UGT2B7: variants seen among roughly 807,000 people sequenced by gnomAD.
The protein encoded by UGT2B7 is UDP glucuronosyltransferase family 2 member B7, also known as UDP-glucuronosyltransferase 2B7.
In UGT2B7, 51 loss-of-function variants were observed where a neutral mutation model predicts 51.9. That is an observed-to-expected ratio of 0.98 (90% CI 0.78 to 1.24). The LOEUF (loss-of-function observed/expected upper bound fraction) is 1.24, where lower values mean the gene tolerates loss of function less well. Among genes scored for constraint, UGT2B7 ranks in the 50% most tolerant of loss-of-function variants. UGT2B7 has a pLI of 0.00. For synonymous variants in UGT2B7, 225 were observed against 211.6 expected, an observed-to-expected ratio of 1.06 and a Z score of -0.55; for missense variants, 727 against 628.4, an observed-to-expected ratio of 1.16 and a Z score of -1.68.
intron 3 of UGT2B7, among the ~76,000 whole-genome samples, chr4:69,104,573 C>T (rs2109890544): frequency 6.6e-6 from 1 of 152,096 alleles, no homozygotes; most frequent in Non-Finnish European, 1.5e-5. Flanking sequence ...ATTAACGATG[C>T]TAAAATAATA....
At chr4:69,104,063 C>A (rs1470033918) in intron 3 of UGT2B7, among the ~76,000 whole-genome samples, 3 of 151,974 alleles carry the variant, frequency 2.0e-5, no homozygotes, top group African/African-American at 7.3e-5. Flanking sequence ...CCGAGGCAGG[C>A]GAATCACGAG....
At chr4:69,106,554 A>G (rs4541594) in intron 3 of UGT2B7, among the ~76,000 whole-genome samples, 89,820 of 152,014 alleles carry the variant, frequency 0.59, 27,902 homozygotes, top group African/African-American at 0.77. Flanking sequence ...AAGTACTGCA[A>G]TTAATACACC....
chr4:69,060,656 T>A (rs180777225), intron 1 of UGT2B7, among the ~76,000 whole-genome samples: 13 of 152,346 alleles, frequency 8.5e-5, no homozygotes, highest in South Asian at 6.2e-4. Context: ...TTGAATTCTG[T>A]GGCACCTGGA....
intron 2 of UGT2B7, among the ~76,000 whole-genome samples, chr4:69,100,054 T>C (rs757322243): frequency 2.2e-4 from 33 of 152,004 alleles, no homozygotes; most frequent in Non-Finnish European, 2.2e-4. Flanking sequence ...GTTCACTTGA[T>C]CTTACTAAAG....
intron 1 of UGT2B7, among the ~76,000 whole-genome samples, chr4:69,057,824 C>T (rs189619904): frequency 1.3e-5 from 2 of 152,272 alleles, no homozygotes; most frequent in Admixed American, 6.5e-5. Context: ...GTCAAGTTAA[C>T]CCACTGAATG....
chr4:69,102,591 C>T (rs534260287), intron 2 of UGT2B7, among the ~76,000 whole-genome samples: 1 of 152,244 alleles, frequency 6.6e-6, no homozygotes, highest in East Asian at 1.9e-4. Context: ...CACATACACA[C>T]ATATTTACAC....
At position 69,096,755 on chromosome 4, in the gene UGT2B7, A is replaced by T. The variant is rs767360244; in HGVS notation, c.235A>T (p.Thr79Ser). ...CGCTCTTAAAATTGAAATTTATCCC[A>T]CATCTTTAACTAAAACTGAGTTGGA... ...SSALKIEIYP[T>S]SLTKTELENF... The change falls in exon 1 of 6, where the codon ACA (threonine) becomes TCA (serine). Residue 79 changes from threonine (T) to serine (S), a missense_variant. Coordinates refer to ENST00000305231, the MANE Select transcript of UGT2B7 (RefSeq NM_001074.4). The T allele has an allele frequency of 1.2e-6, 2 of 1,613,972 alleles. No individual in the cohort carries two copies. The highest frequency in any genetic ancestry group is 1.7e-6 in the Non-Finnish European group (2 of 1,179,918).
rs576154850 is a variant in UGT2B7, at chr4:69,110,151, T to TACAC, written c.1310+1835_1310+1838dup. On this transcript the variant is annotated intron_variant, in intron 5 of 5. Transcript: ENST00000305231. ...GTAAAATGATACAAACGCACATACA[T>TACAC]ACACACACAATAAACATATATGTAT... 1.5e-3 allele frequency among the ~76,000 whole-genome samples: 227 copies of TACAC among 152,108 alleles called. 2 individuals carry two copies. Among genetic ancestry groups the TACAC allele is most frequent in the African/African-American group, 5.3e-3 (220 of 41,554 alleles).
intron 2 of UGT2B7, among the ~76,000 whole-genome samples, chr4:69,090,601 G>A (rs752502977): frequency 6.6e-6 from 1 of 152,062 alleles, no homozygotes; most frequent in Non-Finnish European, 1.5e-5. Flanking sequence ...AGAAAAGCAT[G>A]GAAAAGACTC....
At chr4:69,074,100 T>C (rs1250717511) in intron 1 of UGT2B7, among the ~76,000 whole-genome samples, 1 of 152,104 alleles carries the variant, frequency 6.6e-6, no homozygotes, top group Admixed American at 6.6e-5. Context: ...GTCCCAACAC[T>C]TTGGGATGTT....
intron 1 of UGT2B7, among the ~76,000 whole-genome samples, chr4:69,062,014 A>G (rs1010705363): frequency 2.0e-5 from 3 of 152,196 alleles, no homozygotes; most frequent in Non-Finnish European, 2.9e-5. Context: ...TTGGGTTCAG[A>G]TAATGGACTG....
At chr4:69,093,678 G>A (rs1171961877), upstream of UGT2B7, among the ~76,000 whole-genome samples, 1 of 152,194 alleles carries the variant, frequency 6.6e-6, no homozygotes, top group Non-Finnish European at 1.5e-5. Context: ...GTGGGTTCAT[G>A]AGGGGATCTT....
rs545832745 is a variant in UGT2B7 at position 69,108,209 on chromosome 4, A to G, written c.1197A>G (p.Gln399=). The G allele has an allele frequency of 1.6e-5, 26 of 1,613,754 alleles. No individual in the cohort carries two copies. Among genetic ancestry groups the G allele is most frequent in the South Asian group, 1.5e-4 (14 of 91,072 alleles). Residue 399 remains glutamine (Q), a synonymous_variant, in exon 5 of 6, where the codon CAA becomes CAG. Coordinates refer to ENST00000305231, the MANE Select transcript of UGT2B7 (RefSeq NM_001074.4). ...PMVGIPLFAD[Q]PDNIAHMKAR... ...TGGGGATTCCATTGTTTGCCGATCAACCTGATAACATTGCTCACATGAAGG... is the reference window on the plus strand; with the variant it reads ...TGGGGATTCCATTGTTTGCCGATCAGCCTGATAACATTGCTCACATGAAGG...
chr4:69,111,941 T>A (rs1719785334), intron 5 of UGT2B7, among the ~76,000 whole-genome samples: 1 of 152,192 alleles, frequency 6.6e-6, no homozygotes, highest in South Asian at 2.1e-4. Context: ...GTAAACTTGA[T>A]ATGGACAGGC....
intron 2 of UGT2B7, among the ~76,000 whole-genome samples, chr4:69,091,078 G>C (rs1719073750): frequency 6.6e-6 from 1 of 152,170 alleles, no homozygotes; most frequent in East Asian, 1.9e-4. Context: ...ACCACACACT[G>C]CCTAGGTCCA....
intron 2 of UGT2B7, among the ~76,000 whole-genome samples, chr4:69,101,378 C>T (rs1305095416): frequency 1.3e-5 from 2 of 151,584 alleles, no homozygotes; most frequent in Non-Finnish European, 2.9e-5. Context: ...AAATTTCTTA[C>T]ATTAATCTTA....
intron 1 of UGT2B7, among the ~76,000 whole-genome samples, chr4:69,074,169 C>T (rs1184902030): frequency 7.2e-5 from 11 of 152,044 alleles, no homozygotes; most frequent in Non-Finnish European, 1.6e-4. Flanking sequence ...AATGAGAGCT[C>T]ATCACTACCA....
At chr4:69,057,016 A>T (rs567550900) in intron 1 of UGT2B7, among the ~76,000 whole-genome samples, 1 of 152,348 alleles carries the variant, frequency 6.6e-6, no homozygotes, top group East Asian at 1.9e-4. Context: ...GTAGTTAAAA[A>T]TCAACTCATG....
rs1316090045 is a variant in UGT2B7 at position 69,112,479 on chromosome 4, T to A, written c.1333T>A (p.Leu445Ile). 6.2e-7 allele frequency: 1 copy of A among 1,613,690 alleles called. No homozygotes were observed. Among genetic ancestry groups the A allele is most frequent in the Non-Finnish European group, 8.5e-7 (1 of 1,179,794 alleles). The change falls in exon 6 of 6, where the codon TTA becomes ATA. Residue 445 changes from leucine (L) to isoleucine (I), a missense_variant. Physicochemically the swap from Leu to Ile is conservative, Grantham distance 5. Coordinates refer to ENST00000305231, the MANE Select transcript of UGT2B7 (RefSeq NM_001074.4). ...CAGATATAAAGAGAATGTTATGAAA[T>A]TATCAAGAATTCAACATGATCAACC... The part of the protein sequence containing the change: ...DPSYKENVMK[L>I]SRIQHDQPVK...
Sources: gnomAD v4.1 joint callset for allele counts (sites outside exome capture counted in the v4.1 genomes callset) on GRCh38, gnomAD v4.1.1 for gene constraint, MANE v1.5 for transcripts, NCBI Gene and HGNC (gene_info 2026-07-23, HGNC 2026-07-21) for gene names.